PLCH1: variants seen among roughly 807,000 people sequenced by gnomAD.
PLCH1 encodes the protein phospholipase C eta 1.
PLCH1 carries 60 observed loss-of-function variants against 126.7 expected under a neutral mutation model. That is an observed-to-expected ratio of 0.47 (90% CI 0.38 to 0.59). PLCH1 has a LOEUF of 0.59. Ranked by LOEUF, PLCH1 falls within the 20% of genes least tolerant of loss-of-function variation. The pLI is 0.00. For missense variants in PLCH1, 1,723 were observed against 2,040.0 expected (o/e 0.84, Z 2.99); for synonymous variants, 719 against 734.9 (o/e 0.98, Z 0.35).
intron 2 of PLCH1, among the ~76,000 whole-genome samples, chr3:155,680,766 T>C (rs1224939696): frequency 6.6e-6 from 1 of 152,200 alleles, no homozygotes; most frequent in African/African-American, 2.4e-5. Context: ...TAGAAGGAAG[T>C]ATCCTTTCCT....
intron 21 of PLCH1, among the ~76,000 whole-genome samples, chr3:155,464,563 A>C (rs951843086): frequency 8.6e-5 from 13 of 151,974 alleles, no homozygotes; most frequent in Non-Finnish European, 1.9e-4. Context: ...TACTTCCTGG[A>C]TTCTGCAGTT....
chr3:155,617,999 C>T (rs1735999300), intron 2 of PLCH1, among the ~76,000 whole-genome samples: 1 of 152,166 alleles, frequency 6.6e-6, no homozygotes, highest in Non-Finnish European at 1.5e-5. Context: ...TAATCTGAGA[C>T]TCCTTATGGA....
At chr3:155,488,551 G>A in intron 20 of PLCH1, 109 bp downstream of exon 20, 1 of 966,968 alleles carries the variant, frequency 1.0e-6, no homozygotes, top group Non-Finnish European at 1.5e-6. Flanking sequence ...TTTATTACAT[G>A]ACACATATTT....
At chr3:155,672,144 T>C (rs1045717831) in intron 2 of PLCH1, among the ~76,000 whole-genome samples, 5 of 152,152 alleles carry the variant, frequency 3.3e-5, no homozygotes, top group African/African-American at 9.6e-5. Flanking sequence ...TGAATCCTAC[T>C]GTGTTCCTGA....
intron 19 of PLCH1, 98 bp from the exon 20 acceptor site, chr3:155,488,904 C>A: frequency 1.9e-6 from 2 of 1,064,300 alleles, no homozygotes; most frequent in Non-Finnish European, 2.7e-6. Context: ...AAATTGCTTG[C>A]AATGGTTATT....
chr3:155,649,985 A>G (rs1047479000), intron 2 of PLCH1, among the ~76,000 whole-genome samples: 15 of 152,066 alleles, frequency 9.9e-5, no homozygotes, highest in Admixed American at 2.0e-4. Context: ...CTCAAAAAAA[A>G]AAGAAGTAGA....
At chr3:155,602,230 T>C (rs527794712) in intron 2 of PLCH1, among the ~76,000 whole-genome samples, 10 of 152,308 alleles carry the variant, frequency 6.6e-5, no homozygotes, top group African/African-American at 2.4e-4. Flanking sequence ...GTAAATATAG[T>C]ATGATATCTT....
intron 2 of PLCH1, among the ~76,000 whole-genome samples, chr3:155,639,774 G>A (rs1281728112): frequency 6.6e-6 from 1 of 152,148 alleles, no homozygotes; most frequent in Non-Finnish European, 1.5e-5. Flanking sequence ...TAAATCTCAT[G>A]TCAAATTATA....
rs192227278 is a variant in PLCH1, at chr3:155,639,377, C to T, written c.80-42999G>A. On this transcript the variant is annotated intron_variant, in intron 2 of 22. Coordinates refer to ENST00000460012, the MANE Select transcript of PLCH1 (RefSeq NM_014996.4). Reference sequence around the variant, plus strand: ...AGAGGAGGCTTAGGCAGGAGGATCACTTGAGCCCAGGAGGTTAAGGCTGCA... The same window carrying T: ...AGAGGAGGCTTAGGCAGGAGGATCATTTGAGCCCAGGAGGTTAAGGCTGCA... Among the ~76,000 whole-genome samples the T allele has an allele frequency of 3.4e-3, 515 of 152,296 alleles. 4 individuals are homozygous for T. The highest frequency in any genetic ancestry group is 7.0e-3 in the East Asian group (36 of 5,178).
At chr3:155,730,281 A>G (rs565477166) in intron 1 of PLCH1, among the ~76,000 whole-genome samples, 13 of 140,946 alleles carry the variant, frequency 9.2e-5, no homozygotes, top group Admixed American at 9.0e-4. Context: ...AAAAATGATT[A>G]GTTTTTTTTT....
intron 1 of PLCH1, among the ~76,000 whole-genome samples, chr3:155,724,889 A>T (rs772122876): frequency 6.7e-6 from 1 of 148,952 alleles, no homozygotes; most frequent in Non-Finnish European, 1.5e-5. Flanking sequence ...TTTATGCTTT[A>T]AGAAGGTTCT....
In PLCH1 at chr3:155,554,127, A is replaced by T; in HGVS notation, c.1139T>A (p.Leu380His). 4 of 1,613,980 alleles carry T rather than the reference A, an allele frequency of 2.5e-6. No individual in the cohort carries two copies. Among genetic ancestry groups the T allele is most frequent in the Non-Finnish European group, 3.4e-6 (4 of 1,179,852 alleles). Residue 380 changes from leucine (L) to histidine (H), a missense_variant, in exon 9 of 23, where the codon CTC (leucine) becomes CAC (histidine). Transcript: ENST00000460012. Reference protein sequence around the residue: ...HHGYTLTSKILFRDVVETINK... With the variant: ...HHGYTLTSKIHFRDVVETINK... Reference sequence around the variant, plus strand: ...GATGGTCTCCACAACATCTCTGAAGAGAATTTTTGAAGTGAGAGTGTAACC... The same window carrying T: ...GATGGTCTCCACAACATCTCTGAAGTGAATTTTTGAAGTGAGAGTGTAACC...
intron 2 of PLCH1, among the ~76,000 whole-genome samples, chr3:155,604,059 AT>A (rs1351634878): frequency 6.6e-6 from 1 of 152,180 alleles, no homozygotes; most frequent in African/African-American, 2.4e-5. Context: ...TGATTGCACC[AT>A]TGCACCCCAG....
chr3:155,642,122 C>T (rs929264540), intron 2 of PLCH1, among the ~76,000 whole-genome samples: 6 of 152,134 alleles, frequency 3.9e-5, no homozygotes, highest in Non-Finnish European at 8.8e-5. Context: ...ATCTAAACAA[C>T]CCTATGAGGT....
At chr3:155,641,552 G>A (rs1739402935) in intron 2 of PLCH1, among the ~76,000 whole-genome samples, 1 of 152,050 alleles carries the variant, frequency 6.6e-6, no homozygotes, top group Non-Finnish European at 1.5e-5. Flanking sequence ...AAAAAAGGAT[G>A]TTAACAAGCA....
chr3:155,541,978 G>A (rs1009534040), intron 10 of PLCH1, among the ~76,000 whole-genome samples: 3 of 152,230 alleles, frequency 2.0e-5, no homozygotes, highest in African/African-American at 7.2e-5. Flanking sequence ...GGTGATTTCT[G>A]CACTTCCATC....
chr3:155,543,004 G>A (rs1432687365), intron 10 of PLCH1, among the ~76,000 whole-genome samples: 1 of 152,224 alleles, frequency 6.6e-6, no homozygotes, highest in African/African-American at 2.4e-5. Flanking sequence ...AAGGAACGCA[G>A]CTCCTCACCA....
At chr3:155,593,105 G>C (rs535562783) in intron 4 of PLCH1, among the ~76,000 whole-genome samples, 1 of 152,008 alleles carries the variant, frequency 6.6e-6, no homozygotes, top group Non-Finnish European at 1.5e-5. Flanking sequence ...TTCTAATGAC[G>C]GCAAGGGAGT....
rs1174000103 is a variant in PLCH1 at position 155,497,314 on chromosome 3, C to T, written c.1894+6G>A. On this transcript the variant is annotated splice_donor_region_variant and intron_variant, in intron 15 of 22. Coordinates refer to ENST00000460012, the MANE Select transcript of PLCH1 (RefSeq NM_014996.4). Reference sequence around the variant, plus strand: ...AGAGCAGAATGAGAAAACTCTCCATCCTTACCGTCATCCACAATGTCCTGA... The same window carrying T: ...AGAGCAGAATGAGAAAACTCTCCATTCTTACCGTCATCCACAATGTCCTGA... The T allele has an allele frequency of 6.3e-7, 1 of 1,577,264 alleles. No individual in the cohort carries two copies. The highest frequency in any genetic ancestry group is 8.7e-7 in the Non-Finnish European group (1 of 1,146,582).
Sources: allele counts gnomAD v4.1 joint callset (sites outside exome capture counted in the v4.1 genomes callset), GRCh38; gene constraint gnomAD v4.1.1; transcripts MANE v1.5; gene names NCBI Gene and HGNC (gene_info 2026-07-23, HGNC 2026-07-21).